CLIP2: variants seen among roughly 807,000 people sequenced by gnomAD.
CLIP2 encodes CAP-Gly domain-containing linker protein 2.
A neutral mutation model predicts 111.7 loss-of-function variants in CLIP2; 41 were observed. The ratio of observed to expected loss-of-function variants is 0.37; its 90% CI spans 0.29 to 0.48. The LOEUF is 0.48. CLIP2 is among the 20% of genes least tolerant of loss of function. The pLI, the probability that CLIP2 is intolerant of heterozygous loss-of-function variation, is 0.99. For missense variants in CLIP2, 1,160 were observed against 1,422.1 expected (o/e 0.82, Z 2.96); for synonymous variants, 660 against 644.2 (o/e 1.02, Z -0.37).
In CLIP2 at chr7:74,386,616, T is replaced by C. The variant is rs782725504; in HGVS notation, c.2563+12T>C. On this transcript the variant is annotated intron_variant, in intron 12 of 16. Transcript: ENST00000223398. ...GGCCCAAGTAAGTGGTAAGTCTCCC[T>C]CCCGCAGGGCAGATGCGGGGGGCTT... The C allele has an allele frequency of 3.8e-6, 6 of 1,594,612 alleles. No individual in the cohort carries two copies. In the South Asian group the frequency reaches 4.5e-5, roughly 12 times the overall value.
chr7:74,343,630 T>C (rs510030), intron 3 of CLIP2, among the ~76,000 whole-genome samples: 106,495 of 151,532 alleles, frequency 0.7, 38,092 homozygotes, highest in East Asian at 0.83. Flanking sequence ...CGGTGGCTCG[T>C]GCCTGTAATC....
At chr7:74,301,988 C>T (rs1788351129) in intron 1 of CLIP2, among the ~76,000 whole-genome samples, 2 of 152,190 alleles carry the variant, frequency 1.3e-5, no homozygotes, top group African/African-American at 2.4e-5. Flanking sequence ...GCTGGGATTA[C>T]AGGCACGAGC....
At chr7:74,301,253 C>T (rs529493041) in intron 1 of CLIP2, among the ~76,000 whole-genome samples, 16 of 152,198 alleles carry the variant, frequency 1.1e-4, no homozygotes, top group Admixed American at 6.5e-4. Flanking sequence ...TTTTTATGTC[C>T]GACTTCTTTC....
chr7:74,316,980 A>C (rs1788793416), intron 1 of CLIP2, among the ~76,000 whole-genome samples: 1 of 152,170 alleles, frequency 6.6e-6, no homozygotes, highest in Non-Finnish European at 1.5e-5. Context: ...CCTGGGCTCA[A>C]GCGATCCACC....
Position 74,376,462 on chromosome 7 carries a change from G to A in CLIP2, c.2061G>A (p.Glu687=), listed in dbSNP as rs782662666. Residue 687 remains glutamate, a synonymous_variant, in exon 10 of 17, where the codon GAG becomes GAA. Transcript: ENST00000223398. This position sits in a 1 kb window ranked among gnomAD's most constrained non-coding sequence, Gnocchi z 7.1. ...TGAAGGAGAAGGAGGCCCTGCGAGA[G>A]AAGCTGCAGGAGGCCCAGGAGGAGC... ...MHVKEKEALR[E]KLQEAQEELA... 37 of 1,613,834 alleles carry A rather than the reference G, an allele frequency of 2.3e-5. No individual in the cohort carries two copies. In the East Asian group the frequency reaches 4.9e-4, roughly 21 times the overall value.
chr7:74,372,854 C>A, intron 8 of CLIP2, 78 bp from the exon 9 acceptor site: 1 of 771,836 alleles, frequency 1.3e-6, no homozygotes, highest in Non-Finnish European at 2.1e-6. Flanking sequence ...CTCTCTCTCT[C>A]CGGCTTCTTC....
intron 1 of CLIP2, among the ~76,000 whole-genome samples, chr7:74,302,623 T>C (rs1788370599): frequency 6.6e-6 from 1 of 152,206 alleles, no homozygotes; most frequent in African/African-American, 2.4e-5. Context: ...CCAGAGAAGT[T>C]GGGGTTTGAC....
intron 7 of CLIP2, among the ~76,000 whole-genome samples, chr7:74,361,425 C>G (rs1175066629): frequency 1.3e-5 from 2 of 151,942 alleles, no homozygotes; most frequent in Non-Finnish European, 2.9e-5. Context: ...CCATGTTGGC[C>G]AGGCTGATCT....
intron 9 of CLIP2, 35 bp from the exon 10 acceptor site, chr7:74,375,852 A>AGCCC (rs1360187109): frequency 2.1e-5 from 30 of 1,461,200 alleles, no homozygotes; most frequent in Non-Finnish European, 2.4e-5. Context: ...CCAGCCAGCC[A>AGCCC]GCCCGCTGAT....
Position 74,361,201 on chromosome 7 carries a change from T to TTCCTTCCC in CLIP2, c.1319+927_1319+934dup, listed in dbSNP as rs1357902450. 1.1e-3 allele frequency among the ~76,000 whole-genome samples: 134 copies of TTCCTTCCC among 126,050 alleles called. 2 individuals are homozygous for TTCCTTCCC. The highest frequency in any genetic ancestry group is 3.8e-3 in the Middle Eastern group (1 of 262). 82.7% of individuals were successfully genotyped at this position (126,050 alleles called of 152,430 possible). A position where few individuals can be genotyped will look rare whatever the true frequency, so the allele number is the denominator to read the frequency against. On this transcript the variant is annotated intron_variant, in intron 7 of 16. Coordinates refer to ENST00000223398, the MANE Select transcript of CLIP2 (RefSeq NM_003388.5). ...TTTCCTTCCTTCCTTCCTTCCTTCC[T>TTCCTTCCC]TCCTTCCCTCCCTCCCTCCCTTTTT...
At chr7:74,311,806 G>C (rs1554728539) in intron 1 of CLIP2, among the ~76,000 whole-genome samples, 1 of 151,746 alleles carries the variant, frequency 6.6e-6, no homozygotes, top group African/African-American at 2.4e-5. Flanking sequence ...TAGCTATCCA[G>C]GAGGCTGAGA....
At chr7:74,300,116 A>C (rs1788287224) in intron 1 of CLIP2, among the ~76,000 whole-genome samples, 1 of 151,936 alleles carries the variant, frequency 6.6e-6, no homozygotes, top group Non-Finnish European at 1.5e-5. Context: ...CCTCCCTGGT[A>C]GCTGGGAATT....
chr7:74,317,617 C>G lies in CLIP2; in HGVS notation c.71C>G (p.Ser24Cys). ...CACTCCAGCCCCATGGGCCGGACAT[C>G]TACTGGGTCAGCTTCATCCTCGGCG... ...GKHSSPMGRT[S>C]TGSASSSAAV... The change falls in exon 2 of 17, where the codon TCT (serine) becomes TGT (cysteine). Residue 24 changes from serine (S) to cysteine (C), a missense_variant. Around this residue, in one of 5 missense-constraint regions of CLIP2, gnomAD observed 301 missense variants for 315.2 expected, o/e 0.96. Coordinates refer to ENST00000223398, the MANE Select transcript of CLIP2 (RefSeq NM_003388.5). 3.3e-6 allele frequency: 5 copies of G among 1,526,900 alleles called. No homozygotes were observed. Among genetic ancestry groups the G allele is most frequent in the Non-Finnish European group, 4.4e-6 (5 of 1,131,398 alleles). 94.6% of individuals were successfully genotyped at this position (1,526,900 alleles called of 1,614,324 possible).
At chr7:74,291,377 A>G (rs968107912) in intron 1 of CLIP2, among the ~76,000 whole-genome samples, 1 of 152,228 alleles carries the variant, frequency 6.6e-6, no homozygotes, top group African/African-American at 2.4e-5. Context: ...TCCAAGGAGC[A>G]GTAATCGCTT....
chr7:74,403,857 G>T lies in CLIP2; in HGVS notation c.*9G>T. 6.2e-7 allele frequency: 1 copy of T among 1,613,114 alleles called. No individual in the cohort carries two copies. The highest frequency in any genetic ancestry group is 8.5e-7 in the Non-Finnish European group (1 of 1,179,862). The stretch of plus-strand genomic sequence containing the variant: ...TCTAGGACAAGCACTGATCCTGAGG[G>T]GATACTGTGGAGCAGCCCAGTCCAC... On this transcript the variant is annotated 3_prime_UTR_variant, in exon 17 of 17. Coordinates refer to ENST00000223398, the MANE Select transcript of CLIP2 (RefSeq NM_003388.5).
chr7:74,327,587 C>T (rs782432232), intron 2 of CLIP2, among the ~76,000 whole-genome samples: 3 of 152,308 alleles, frequency 2.0e-5, no homozygotes, highest in Middle Eastern at 3.4e-3. Context: ...GGATTGTCCC[C>T]ATTTTAAGTG....
chr7:74,385,625 C>T (rs1186477904), intron 11 of CLIP2, among the ~76,000 whole-genome samples: 3 of 151,962 alleles, frequency 2.0e-5, no homozygotes, highest in South Asian at 2.1e-4. Context: ...TACACAAGAC[C>T]GGTGACCTAG....
At chr7:74,356,172 G>A (rs930988874) in intron 4 of CLIP2, among the ~76,000 whole-genome samples, 8 of 152,178 alleles carry the variant, frequency 5.3e-5, no homozygotes, top group Admixed American at 5.2e-4. Context: ...ACTTCCAAGA[G>A]TATTCTCATT....
chr7:74,315,276 A>G (rs1788741214), intron 1 of CLIP2, among the ~76,000 whole-genome samples: 1 of 152,180 alleles, frequency 6.6e-6, no homozygotes, highest in Non-Finnish European at 1.5e-5. Flanking sequence ...AGTCCGTCAC[A>G]AAAATACATT....
Sources: allele counts gnomAD v4.1 joint callset (sites outside exome capture counted in the v4.1 genomes callset), GRCh38; gene constraint gnomAD v4.1.1; regional missense constraint gnomAD v4.1.1; non-coding constraint Gnocchi (gnomAD v3.1); transcripts MANE v1.5; gene names NCBI Gene and HGNC (gene_info 2026-07-23, HGNC 2026-07-21).